CSF3: variants seen among roughly 807,000 people sequenced by gnomAD.
CSF3 encodes the protein granulocyte colony-stimulating factor.
Under a neutral mutation model 20.2 loss-of-function variants are expected in CSF3, and 17 were observed. The observed-to-expected ratio is 0.84, with a 90% CI of 0.58 to 1.26. The LOEUF is 1.26. Among genes scored for constraint, CSF3 ranks in the 50% most tolerant of loss-of-function variants. The pLI, the probability that CSF3 is intolerant of heterozygous loss-of-function variation, is 0.00. For synonymous variants in CSF3, 125 were observed against 115.3 expected (o/e 1.08, Z -0.54); for missense variants, 210 against 256.0 (o/e 0.82, Z 1.23).
rs774273764 is a variant in CSF3 at position 40,016,200 on chromosome 17, G to A, written c.196-33G>A. ...CGGGAAGGAGCGGCGACCCGGCCAT[G>A]GCGAGTCTCACTCAGCATCCTTCCA... is the stretch of plus-strand genomic sequence containing the variant. On this transcript the variant is annotated intron_variant, in intron 2 of 4. Transcript: ENST00000394149. 2.6e-5 allele frequency: 38 copies of A among 1,480,162 alleles called. No homozygotes were observed. The Admixed American group carries it at 3.2e-4, about 12-fold the overall frequency. 91.7% of individuals were successfully genotyped at this position (1,480,162 alleles called of 1,614,324 possible). A position where few individuals can be genotyped will look rare whatever the true frequency, so the allele number is the denominator to read the frequency against.
rs1981460050 is a variant in CSF3, at chr17:40,017,243, T to C, written c.*284T>C. The C allele has an allele frequency of 3.8e-6, 1 of 266,262 alleles. No individual in the cohort carries two copies. The highest frequency in any genetic ancestry group is 7.0e-6 in the Non-Finnish European group (1 of 142,260). 16.5% of individuals were successfully genotyped at this position (266,262 alleles called of 1,614,324 possible). On this transcript the variant is annotated 3_prime_UTR_variant, in exon 5 of 5. Coordinates refer to ENST00000394149, the MANE Select transcript of CSF3 (RefSeq NM_172219.3). ...GGGATGAGCCGCTGTGAGCCCCTGG[T>C]CCTGAGGGTCCCCACCTGGGACCCT...
chr17:40,016,556 C>A lies in CSF3; in HGVS notation c.375C>A (p.Ile125=). 6.2e-7 allele frequency: 1 copy of A among 1,614,220 alleles called. No individual in the cohort carries two copies. The part of the protein sequence containing the change: ...YQGLLQALEG[I]SPELGPTLDT... ...GGCTCCTGCAGGCCCTGGAAGGGAT[C>A]TCCCCCGAGTTGGGTCCCACCTTGG... Residue 125 remains isoleucine (I), a synonymous_variant, in exon 4 of 5, where the codon ATC becomes ATA. Coordinates refer to ENST00000394149, the MANE Select transcript of CSF3 (RefSeq NM_172219.3).
intron 2 of CSF3, 174 bp downstream of exon 2, chr17:40,016,019 C>A: frequency 9.5e-7 from 1 of 1,052,632 alleles, no homozygotes; most frequent in Non-Finnish European, 1.3e-6. Flanking sequence ...GGACAGTGCT[C>A]GGGAGGGCTG....
intron 4 of CSF3, 80 bp from the exon 5 acceptor site, chr17:40,016,715 C>T: frequency 2.0e-6 from 3 of 1,487,720 alleles, no homozygotes; most frequent in Non-Finnish European, 2.7e-6. Flanking sequence ...CCTGTCCATG[C>T]TGTCACCCCC....
intron 1 of CSF3, 54 bp downstream of exon 1, chr17:40,015,568 G>T: frequency 6.5e-7 from 1 of 1,549,836 alleles, no homozygotes; most frequent in South Asian, 1.2e-5. Context: ...TGGGAGGGAG[G>T]CTGGTGTGAC....
At position 40,016,620 on chromosome 17, in the gene CSF3, A is replaced by G. The variant is rs761136068; in HGVS notation, c.439A>G (p.Ile147Val). The G allele has an allele frequency of 1.2e-6, 2 of 1,614,002 alleles. No individual in the cohort carries two copies. Among genetic ancestry groups the G allele is most frequent in the South Asian group, 1.1e-5 (1 of 91,074 alleles). ...QLDVADFATTIWQQMEELGMA... is the reference protein window; with the variant it reads ...QLDVADFATTVWQQMEELGMA... ...GGACGTCGCCGACTTTGCCACCACC[A>G]TCTGGCAGCAGGTGAGCCTTGTTGG... The change falls in exon 4 of 5, where the codon ATC (isoleucine) becomes GTC (valine). Residue 147 changes from isoleucine to valine, a missense_variant. By Grantham distance (29) the Ile-to-Val change is conservative (BLOSUM62 3). Coordinates refer to ENST00000394149, the MANE Select transcript of CSF3 (RefSeq NM_172219.3).
At chr17:40,016,047 G>A in intron 2 of CSF3, 186 bp from the exon 3 acceptor site, 1 of 904,664 alleles carries the variant, frequency 1.1e-6, no homozygotes, top group East Asian at 2.7e-5. Context: ...TGGGAGTGGA[G>A]GCATTACATT....
chr17:40,016,275 C>T lies in CSF3; in HGVS notation c.238C>T (p.Leu80Phe). ...GTGCCACCCCGAGGAGCTGGTGCTG[C>T]TCGGACACTCTCTGGGCATCCCCTG... ...KLCHPEELVLLGHSLGIPWAP... is the reference protein window; with the variant it reads ...KLCHPEELVLFGHSLGIPWAP... Residue 80 changes from leucine (L) to phenylalanine (F), a missense_variant, in exon 3 of 5, where the codon CTC (leucine) becomes TTC (phenylalanine). Physicochemically the swap from Leu to Phe is conservative, Grantham distance 22 (BLOSUM62 0). Transcript: ENST00000394149. The T allele has an allele frequency of 6.3e-7, 1 of 1,584,588 alleles. No individual in the cohort carries two copies. Among genetic ancestry groups the T allele is most frequent in the Non-Finnish European group, 8.6e-7 (1 of 1,165,656 alleles).
chr17:40,016,944 C>T lies in CSF3; in HGVS notation c.600C>T (p.His200=). The change falls in exon 5 of 5, where the codon CAC becomes CAT. Residue 200 remains histidine, a synonymous_variant. Coordinates refer to ENST00000394149, the MANE Select transcript of CSF3 (RefSeq NM_172219.3). ...AGGTGTCGTACCGCGTTCTACGCCACCTTGCCCAGCCCTGAGCCAAGCCCT... is the reference window on the plus strand; with the variant it reads ...AGGTGTCGTACCGCGTTCTACGCCATCTTGCCCAGCCCTGAGCCAAGCCCT... ...FLEVSYRVLR[H]LAQP is the part of the protein sequence containing the mutation. 1 of 1,596,694 alleles carries T rather than the reference C, an allele frequency of 6.3e-7. No individual in the cohort carries two copies. Among genetic ancestry groups the T allele is most frequent in the Non-Finnish European group, 8.5e-7 (1 of 1,170,280 alleles).
At chr17:40,016,443 A>T (rs775861491) in intron 3 of CSF3, 42 bp from the exon 4 acceptor site, 1 of 1,611,388 alleles carries the variant, frequency 6.2e-7, no homozygotes, top group Admixed American at 1.7e-5. Context: ...GGCCTGACGT[A>T]TCTCAGGCAG....
At position 40,016,925 on chromosome 17, in the gene CSF3, C is replaced by T. The variant is rs201491834; in HGVS notation, c.581C>T (p.Ser194Leu). 4.8e-5 allele frequency: 78 copies of T among 1,609,522 alleles called. No individual in the cohort carries two copies. The African/African-American group carries it at 6.0e-4, about 12-fold the overall frequency. Residue 194 changes from serine (S) to leucine (L), a missense_variant, in exon 5 of 5, where the codon TCG becomes TTG. Ser to Leu is a moderately radical substitution (Grantham distance 145). Transcript: ENST00000394149. ...CATCTGCAGAGCTTCCTGGAGGTGT[C>T]GTACCGCGTTCTACGCCACCTTGCC... ...ASHLQSFLEV[S>L]YRVLRHLAQP
At chr17:40,015,604 G>C (rs909511666) in intron 1 of CSF3, 87 bp from the exon 2 acceptor site, 1 of 1,547,008 alleles carries the variant, frequency 6.5e-7, no homozygotes, top group Non-Finnish European at 8.7e-7. Flanking sequence ...CCCCGTTCTG[G>C]GAATGGGGAT....
intron 2 of CSF3, 43 bp downstream of exon 2, chr17:40,015,888 G>A (rs377023343): frequency 1.9e-6 from 3 of 1,576,144 alleles, no homozygotes; most frequent in Non-Finnish European, 1.7e-6. Flanking sequence ...AAGCCCGGTG[G>A]GGAGAGCTAA....
chr17:40,017,021 A>G lies in CSF3; in HGVS notation c.*62A>G. 4 of 1,446,276 alleles carry G rather than the reference A, an allele frequency of 2.8e-6. No individual in the cohort carries two copies. The highest frequency in any genetic ancestry group is 1.8e-6 in the Non-Finnish European group (2 of 1,088,320). 89.6% of individuals were successfully genotyped at this position (1,446,276 alleles called of 1,614,324 possible). A position where few individuals can be genotyped will look rare whatever the true frequency, so the allele number is the denominator to read the frequency against. ...TAATATTTATGTCTATTTAAGCCTC[A>G]TATTTAAAGACAGGGAAGAGCAGAA... is the stretch of plus-strand genomic sequence containing the variant. On this transcript the variant is annotated 3_prime_UTR_variant, in exon 5 of 5. Transcript: ENST00000394149.
rs1310490290 is a variant in CSF3, at chr17:40,017,147, G to A, written c.*188G>A. The A allele has an allele frequency of 5.4e-6, 3 of 552,968 alleles. No individual in the cohort carries two copies. Among genetic ancestry groups the A allele is most frequent in the Non-Finnish European group, 9.3e-6 (3 of 324,074 alleles). 34.3% of individuals were successfully genotyped at this position (552,968 alleles called of 1,614,324 possible). On this transcript the variant is annotated 3_prime_UTR_variant, in exon 5 of 5. Transcript: ENST00000394149. ...CCTGTCCTCCCATCCCCTGGACTGGGAGGTAGATAGGTAAATACCAAGTAT... is the reference window on the plus strand; with the variant it reads ...CCTGTCCTCCCATCCCCTGGACTGGAAGGTAGATAGGTAAATACCAAGTAT...
chr17:40,017,030 GAC>G lies in CSF3; in HGVS notation c.*73_*74del. ...TGTCTATTTAAGCCTCATATTTAAA[GAC>G]AGGGAAGAGCAGAACGGAGCCCCAG... On this transcript the variant is annotated 3_prime_UTR_variant, in exon 5 of 5. Coordinates refer to ENST00000394149, the MANE Select transcript of CSF3 (RefSeq NM_172219.3). 2 of 1,416,642 alleles carry G rather than the reference GAC, an allele frequency of 1.4e-6. No homozygotes were observed. Among genetic ancestry groups the G allele is most frequent in the South Asian group, 2.9e-5 (2 of 68,046 alleles). 87.8% of individuals were successfully genotyped at this position (1,416,642 alleles called of 1,614,324 possible).
At position 40,016,874 on chromosome 17, in the gene CSF3, G is replaced by C. The variant is rs190847104; in HGVS notation, c.530G>C (p.Arg177Pro). ...MPAFASAFQR[R>P]AGGVLVASHL... is the part of the protein sequence containing the mutation. ...GCCTTCGCCTCTGCTTTCCAGCGCC[G>C]GGCAGGAGGGGTCCTGGTTGCCTCC... Residue 177 changes from arginine to proline, a missense_variant, in exon 5 of 5, where the codon CGG (arginine) becomes CCG (proline). Arg to Pro is a moderately radical substitution (Grantham distance 103). Coordinates refer to ENST00000394149, the MANE Select transcript of CSF3 (RefSeq NM_172219.3). 1 of 1,613,516 alleles carries C rather than the reference G, an allele frequency of 6.2e-7. No homozygotes were observed. Among genetic ancestry groups the C allele is most frequent in the South Asian group, 1.1e-5 (1 of 91,024 alleles).
In CSF3 at chr17:40,016,026, G is replaced by A; in HGVS notation, c.195+181G>A. ...CTTGGTGGGGACAGTGCTCGGGAGG[G>A]CTGGCTGGGATGGGAGTGGAGGCAT... On this transcript the variant is annotated intron_variant, in intron 2 of 4. Coordinates refer to ENST00000394149, the MANE Select transcript of CSF3 (RefSeq NM_172219.3). The A allele has an allele frequency of 2.0e-6, 2 of 1,015,878 alleles. 1 individual carries two copies. Among genetic ancestry groups the A allele is most frequent in the Non-Finnish European group, 2.8e-6 (2 of 711,910 alleles). 62.9% of individuals were successfully genotyped at this position (1,015,878 alleles called of 1,614,324 possible).
intron 3 of CSF3, 23 bp downstream of exon 3, chr17:40,016,363 G>T: frequency 2.5e-6 from 4 of 1,610,394 alleles, no homozygotes; most frequent in Non-Finnish European, 3.4e-6. Flanking sequence ...AAAGGATAAG[G>T]CTAATGAGGA....
Sources: gnomAD v4.1 joint callset for allele counts on GRCh38, gnomAD v4.1.1 for gene constraint, MANE v1.5 for transcripts, NCBI Gene and HGNC (gene_info 2026-07-23, HGNC 2026-07-21) for gene names.